MGMT: variants seen among roughly 807,000 people sequenced by gnomAD.
The protein encoded by MGMT is methylated-DNA--protein-cysteine methyltransferase.
A neutral mutation model predicts 15.9 loss-of-function variants in MGMT; 14 were observed. The ratio of observed to expected loss-of-function variants is 0.88; its 90% CI spans 0.58 to 1.37. MGMT has a LOEUF of 1.37. MGMT is among the 40% of genes most tolerant of loss of function. The probability of loss-of-function intolerance (pLI) is 0.00; values close to 1 mark genes in which losing one functional copy is unlikely to be tolerated. For missense variants in MGMT, 282 were observed against 268.1 expected, an observed-to-expected ratio of 1.05 and a Z score of -0.36; for synonymous variants, 130 against 118.2, an observed-to-expected ratio of 1.10 and a Z score of -0.65.
At chr10:129,605,839 A>C (rs1332603944) in intron 2 of MGMT, among the ~76,000 whole-genome samples, 1 of 151,414 alleles carries the variant, frequency 6.6e-6, no homozygotes, top group Non-Finnish European at 1.5e-5. Context: ...GGCCAAAAAC[A>C]CCCGTTGTGC....
At chr10:129,586,879 G>C (rs1424200119) in intron 2 of MGMT, among the ~76,000 whole-genome samples, 5 of 152,160 alleles carry the variant, frequency 3.3e-5, no homozygotes, top group Non-Finnish European at 1.5e-5. Context: ...TATAGTCTCT[G>C]ATTTCATATC....
At chr10:129,713,548 G>A (rs1848257610) in intron 3 of MGMT, among the ~76,000 whole-genome samples, 1 of 152,106 alleles carries the variant, frequency 6.6e-6, no homozygotes. Flanking sequence ...TGAGTACCGG[G>A]GCCGCCACCA....
intron 3 of MGMT, among the ~76,000 whole-genome samples, chr10:129,739,489 C>T (rs1365120561): frequency 1.3e-5 from 2 of 152,188 alleles, no homozygotes; most frequent in Non-Finnish European, 2.9e-5. Context: ...GCAGGAGGTG[C>T]ACGTGCTGTG....
intron 2 of MGMT, among the ~76,000 whole-genome samples, chr10:129,563,486 T>C (rs1013603908): frequency 4.6e-5 from 7 of 151,138 alleles, no homozygotes; most frequent in African/African-American, 1.7e-4. Flanking sequence ...CATTCATGTA[T>C]TTAACAATTC....
intron 2 of MGMT, among the ~76,000 whole-genome samples, chr10:129,630,304 A>G (rs1847195888): frequency 6.6e-6 from 1 of 152,190 alleles, no homozygotes; most frequent in Admixed American, 6.5e-5. Context: ...TTGTCTGCCT[A>G]GAGATTCCTC....
chr10:129,729,768 G>C (rs941885197), intron 3 of MGMT, among the ~76,000 whole-genome samples: 2 of 152,176 alleles, frequency 1.3e-5, no homozygotes, highest in African/African-American at 4.8e-5. Context: ...GCTCCTTTCC[G>C]TTGGGTTGGT....
At chr10:129,488,668 T>A (rs952440232) in intron 1 of MGMT, among the ~76,000 whole-genome samples, 1 of 152,242 alleles carries the variant, frequency 6.6e-6, no homozygotes, top group African/African-American at 2.4e-5. Flanking sequence ...ACAATTCCAC[T>A]ATTTTCCTAT....
chr10:129,468,995 A>G (rs1390194724), intron 1 of MGMT, among the ~76,000 whole-genome samples: 1 of 152,200 alleles, frequency 6.6e-6, no homozygotes, highest in Non-Finnish European at 1.5e-5. Flanking sequence ...AGCCCTAGGT[A>G]TACATTGGGT....
At chr10:129,643,503 C>T (rs540287961) in intron 2 of MGMT, among the ~76,000 whole-genome samples, 5 of 152,194 alleles carry the variant, frequency 3.3e-5, no homozygotes, top group African/African-American at 4.8e-5. Flanking sequence ...AAGACGTGGA[C>T]GGCAGCAGAG....
At chr10:129,467,872 A>C (rs1001087259) in intron 1 of MGMT, among the ~76,000 whole-genome samples, 2 of 152,184 alleles carry the variant, frequency 1.3e-5, no homozygotes, top group African/African-American at 4.8e-5. Context: ...TGTCGGTTAT[A>C]ACACCGCAGA....
At chr10:129,765,472 G>T (rs189063280) in intron 4 of MGMT, among the ~76,000 whole-genome samples, 1 of 152,202 alleles carries the variant, frequency 6.6e-6, no homozygotes, top group African/African-American at 2.4e-5. Flanking sequence ...ATATGTTACT[G>T]CCTTGTCTTT....
chr10:129,485,584 T>G (rs890683586), intron 1 of MGMT, among the ~76,000 whole-genome samples: 1 of 152,244 alleles, frequency 6.6e-6, no homozygotes, highest in African/African-American at 2.4e-5. Flanking sequence ...TCAAAGGAAA[T>G]GCTTATTGGA....
In MGMT at chr10:129,532,056, T is replaced by C. The variant is rs1265296621; in HGVS notation, c.-12-4185T>C. Among the ~76,000 whole-genome samples, 1 of 152,238 alleles carries C rather than the reference T, an allele frequency of 6.6e-6. No homozygotes were observed. The highest frequency in any genetic ancestry group is 2.4e-5 in the African/African-American group (1 of 41,468). On this transcript the variant is annotated intron_variant, in intron 1 of 4. Transcript: ENST00000651593. This position sits in a 1 kb window ranked among gnomAD's most constrained non-coding sequence, Gnocchi z 5.3. ...GTTCTTGGAATGATTTGGATGGAGC[T>C]CACCTGGTCCCCCCAGCTCCCTGCT...
At chr10:129,732,403 T>C (rs1848510009) in intron 3 of MGMT, among the ~76,000 whole-genome samples, 1 of 143,474 alleles carries the variant, frequency 7.0e-6, no homozygotes, top group African/African-American at 2.6e-5. Flanking sequence ...GAACATGCGG[T>C]GTTTGGTTTT....
chr10:129,531,637 A>G (rs898473713), intron 1 of MGMT, among the ~76,000 whole-genome samples: 1 of 151,990 alleles, frequency 6.6e-6, no homozygotes. Context: ...GCACTAAACT[A>G]ACTTCTACTG....
intron 1 of MGMT, among the ~76,000 whole-genome samples, chr10:129,486,412 C>T (rs1414967491): frequency 6.6e-6 from 1 of 152,092 alleles, no homozygotes; most frequent in African/African-American, 2.4e-5. Context: ...TATTCTCGAA[C>T]TCTTGACCTC....
chr10:129,532,503 C>CGGTG lies in MGMT; in HGVS notation c.-12-3737_-12-3736insGTGG, dbSNP rs993920624. 3.9e-5 allele frequency among the ~76,000 whole-genome samples: 6 copies of CGGTG among 152,152 alleles called. No individual in the cohort carries two copies. The highest frequency in any genetic ancestry group is 1.4e-4 in the African/African-American group (6 of 41,452). On this transcript the variant is annotated intron_variant, in intron 1 of 4. Transcript: ENST00000651593. This position sits in a 1 kb window ranked among gnomAD's most constrained non-coding sequence, Gnocchi z 5.3. Reference sequence around the variant, plus strand: ...GGCTAAGCTGCCTGTGGCCCTCCACCGCCCTGCTCCTTCCTCCGGGTGGGG... The same window carrying CGGTG: ...GGCTAAGCTGCCTGTGGCCCTCCACCGGTGGCCCTGCTCCTTCCTCCGGGTGGGG...
chr10:129,473,931 G>A (rs1339189439), intron 1 of MGMT, among the ~76,000 whole-genome samples: 1 of 152,104 alleles, frequency 6.6e-6, no homozygotes, highest in Non-Finnish European at 1.5e-5. Context: ...GCCATGTCCC[G>A]GGACTGTGCA....
chr10:129,510,814 C>G (rs779081325), intron 1 of MGMT, among the ~76,000 whole-genome samples: 1 of 151,236 alleles, frequency 6.6e-6, no homozygotes, highest in African/African-American at 2.4e-5. Context: ...TGATGGGAAC[C>G]CGGTATACTA....
Sources: gnomAD v4.1 joint callset for allele counts (sites outside exome capture counted in the v4.1 genomes callset) on GRCh38, gnomAD v4.1.1 for gene constraint, Gnocchi (gnomAD v3.1) non-coding constraint, MANE v1.5 for transcripts, NCBI Gene and HGNC (gene_info 2026-07-23, HGNC 2026-07-21) for gene names.